Variants in SHROOM2 observed in about 807,000 individuals in gnomAD.
The protein encoded by SHROOM2 is shroom family member 2.
In SHROOM2, 33 loss-of-function variants were observed where a neutral mutation model predicts 75.9. That is an observed-to-expected ratio of 0.43 (90% CI 0.33 to 0.58). SHROOM2 has a LOEUF of 0.58. Among genes scored for constraint, SHROOM2 ranks in the 20% least tolerant of loss-of-function variants. SHROOM2 has a pLI of 0.04. For missense variants in SHROOM2, 1,434 were observed against 1,461.2 expected, an observed-to-expected ratio of 0.98 and a Z score of 0.30; for synonymous variants, 655 against 663.6, an observed-to-expected ratio of 0.99 and a Z score of 0.20.
chrX:9,823,503 T>C (rs908491033), intron 1 of SHROOM2, among the ~76,000 whole-genome samples: 1 of 110,532 alleles, frequency 9.0e-6, no homozygotes, highest in Non-Finnish European at 1.9e-5. Context: ...GCCAATTTCA[T>C]GTTATTCTTA....
chrX:9,858,095 T>G (rs1396876018), intron 1 of SHROOM2, among the ~76,000 whole-genome samples: 1 of 111,726 alleles, frequency 9.0e-6, no homozygotes, highest in Admixed American at 9.5e-5. Flanking sequence ...TGAAGAGAGT[T>G]GTTCAAAAAA....
At chrX:9,842,756 C>T (rs192433023) in intron 1 of SHROOM2, among the ~76,000 whole-genome samples, 219 of 111,983 alleles carry the variant, frequency 2.0e-3, no homozygotes, top group Non-Finnish European at 3.1e-3. Context: ...TGGCTTGGGG[C>T]GAGGCGGGAG....
At chrX:9,870,231 A>C (rs944816204) in intron 1 of SHROOM2, among the ~76,000 whole-genome samples, 1 of 111,917 alleles carries the variant, frequency 8.9e-6, no homozygotes, top group African/African-American at 3.2e-5. Context: ...GTCTCCAAAA[A>C]CACAGTGCAT....
chrX:9,859,202 G>A (rs1377063326), intron 1 of SHROOM2, among the ~76,000 whole-genome samples: 2 of 112,256 alleles, frequency 1.8e-5, no homozygotes, highest in African/African-American at 6.5e-5. Context: ...GCAACAGAGC[G>A]AGACTCCATT....
At chrX:9,888,417 G>A (rs756158940) in intron 2 of SHROOM2, among the ~76,000 whole-genome samples, 3 of 111,625 alleles carry the variant, frequency 2.7e-5, no homozygotes, top group East Asian at 5.7e-4. Flanking sequence ...GGCATGGCAC[G>A]GTCACTGGAT....
intron 2 of SHROOM2, among the ~76,000 whole-genome samples, chrX:9,881,577 A>T (rs1200718305): frequency 8.9e-6 from 1 of 112,295 alleles, no homozygotes; most frequent in Non-Finnish European, 1.9e-5. Context: ...TGTGTATAGG[A>T]TCTGTAAAAA....
intron 1 of SHROOM2, among the ~76,000 whole-genome samples, chrX:9,829,647 G>A (rs189556804): frequency 8.3e-4 from 93 of 112,328 alleles, no homozygotes; most frequent in African/African-American, 2.9e-3. Flanking sequence ...TAAATATATG[G>A]AAACAAGGAT....
chrX:9,895,285 G>A lies in SHROOM2; in HGVS notation c.1377G>A (p.Gln459=). ...GCTTCCAGAACGACAGCCCTCCTCA[G>A]GTGAGGGGGCTCAGCAGCTGTGACC... ...AASFQNDSPP[Q]VRGLSSCDQK... is the part of the protein sequence containing the mutation. Residue 459 remains glutamine (Q), a synonymous_variant, in exon 4 of 10, where the codon CAG becomes CAA. Transcript: ENST00000380913. The A allele has an allele frequency of 1.7e-6, 2 of 1,181,030 alleles. No homozygotes were observed. The highest frequency in any genetic ancestry group is 2.3e-6 in the Non-Finnish European group (2 of 880,103).
chrX:9,820,478 C>G (rs1366191710), intron 1 of SHROOM2, among the ~76,000 whole-genome samples: 1 of 111,183 alleles, frequency 9.0e-6, no homozygotes, highest in African/African-American at 3.3e-5. Flanking sequence ...AATCCTCCCA[C>G]CTCAGCCCTC....
intron 1 of SHROOM2, among the ~76,000 whole-genome samples, chrX:9,836,091 G>A (rs2083942786): frequency 8.9e-6 from 1 of 112,253 alleles, no homozygotes. Context: ...AGCGGGGAGG[G>A]GAGGGGCAGC....
At chrX:9,793,047 T>C (rs2083675707) in intron 1 of SHROOM2, among the ~76,000 whole-genome samples, 1 of 111,081 alleles carries the variant, frequency 9.0e-6, no homozygotes, top group South Asian at 3.8e-4. Flanking sequence ...TTTTATTTTA[T>C]CAAAGTGGCT....
chrX:9,872,674 A>G (rs753424927), intron 1 of SHROOM2, among the ~76,000 whole-genome samples: 1 of 112,390 alleles, frequency 8.9e-6, no homozygotes, highest in East Asian at 2.8e-4. Context: ...AGTAGTGAAT[A>G]TCTTAACATA....
intron 1 of SHROOM2, among the ~76,000 whole-genome samples, chrX:9,853,221 G>A (rs779887241): frequency 4.3e-4 from 48 of 111,626 alleles, no homozygotes; most frequent in Admixed American, 1.2e-3. Flanking sequence ...CGGGAGAGGC[G>A]TGTGTGAGCA....
At chrX:9,840,501 T>A (rs2146768285) in intron 1 of SHROOM2, among the ~76,000 whole-genome samples, 1 of 111,966 alleles carries the variant, frequency 8.9e-6, no homozygotes, top group East Asian at 2.8e-4. Context: ...ACTCTTGGAA[T>A]CAGGCAATCC....
intron 1 of SHROOM2, among the ~76,000 whole-genome samples, chrX:9,812,317 T>C (rs2083796016): frequency 8.9e-6 from 1 of 111,803 alleles, no homozygotes; most frequent in South Asian, 3.7e-4. Context: ...CCTGGACCTG[T>C]TGCAGAGCCT....
At chrX:9,808,594 G>C (rs1390771428) in intron 1 of SHROOM2, among the ~76,000 whole-genome samples, 3 of 110,074 alleles carry the variant, frequency 2.7e-5, no homozygotes, top group African/African-American at 6.6e-5. Flanking sequence ...GGGCGCAGTG[G>C]TTCACGCCTG....
rs1431332123 is a variant in SHROOM2, at chrX:9,937,638, G to A, written c.4092G>A (p.Arg1364=). ...DEHLLEEAQQ[R]RKLLPKIPSP... is the part of the protein sequence containing the mutation. ...ACCTCCTGGAAGAAGCCCAGCAACG[G>A]AGGAAGCTGCTCCCCAAAATCCCCT... The change falls in exon 7 of 10, where the codon CGG becomes CGA. Residue 1364 remains arginine, a synonymous_variant. Coordinates refer to ENST00000380913, the MANE Select transcript of SHROOM2 (RefSeq NM_001649.4). 1 of 1,206,770 alleles carries A rather than the reference G, an allele frequency of 8.3e-7. No individual in the cohort carries two copies. Among genetic ancestry groups the A allele is most frequent in the East Asian group, 3.0e-5 (1 of 33,754 alleles).
At chrX:9,888,722 G>A (rs555275541) in intron 2 of SHROOM2, among the ~76,000 whole-genome samples, 33 of 112,133 alleles carry the variant, frequency 2.9e-4, no homozygotes, top group Admixed American at 2.8e-3. Context: ...GGGATTACAG[G>A]TGTGAGCCAC....
At chrX:9,823,735 TTTTTTTCTTTTTTC>T (rs761781106) in intron 1 of SHROOM2, among the ~76,000 whole-genome samples, 9 of 96,557 alleles carry the variant, frequency 9.3e-5, no homozygotes, top group East Asian at 7.2e-4. Context: ...GAAACAACAT[TTTTTTTCTTTTTTC>T]TTTTTTCTTT....
Sources: allele counts gnomAD v4.1 joint callset (sites outside exome capture counted in the v4.1 genomes callset), GRCh38; gene constraint gnomAD v4.1.1; transcripts MANE v1.5; gene names NCBI Gene and HGNC (gene_info 2026-07-23, HGNC 2026-07-21).